Variants in RAB27A observed in about 807,000 individuals in gnomAD.
RAB27A encodes the protein ras-related protein Rab-27A.
A neutral mutation model predicts 20.8 loss-of-function variants in RAB27A; 17 were observed. That is an observed-to-expected ratio of 0.82 (90% CI 0.56 to 1.23). The LOEUF (loss-of-function observed/expected upper bound fraction) is 1.23, where lower values mean the gene tolerates loss of function less well. RAB27A is among the 50% of genes most tolerant of loss of function. RAB27A has a pLI of 0.00. For missense variants in RAB27A, 277 were observed against 266.7 expected, an observed-to-expected ratio of 1.04 and a Z score of -0.27; for synonymous variants, 85 against 92.8, an observed-to-expected ratio of 0.92 and a Z score of 0.48.
chr15:55,256,756 C>G (rs1032030775), intron 2 of RAB27A, among the ~76,000 whole-genome samples: 2 of 152,122 alleles, frequency 1.3e-5, no homozygotes, highest in African/African-American at 2.4e-5. Flanking sequence ...CTGTTTAGAC[C>G]CAGGATAGGT....
intron 2 of RAB27A, among the ~76,000 whole-genome samples, chr15:55,298,317 G>C (rs1238606154): frequency 6.6e-6 from 1 of 152,058 alleles, no homozygotes; most frequent in African/African-American, 2.4e-5. Context: ...GAAATAAAGG[G>C]ACAGAGTACA....
chr15:55,255,291 G>T (rs921329234), intron 2 of RAB27A, among the ~76,000 whole-genome samples: 1 of 152,066 alleles, frequency 6.6e-6, no homozygotes, highest in Non-Finnish European at 1.5e-5. Flanking sequence ...CATCCTCCTC[G>T]GGGTATTCCT....
At chr15:55,308,186 CCCTTT>C (rs1168580850) in intron 2 of RAB27A, among the ~76,000 whole-genome samples, 1 of 152,064 alleles carries the variant, frequency 6.6e-6, no homozygotes, top group Non-Finnish European at 1.5e-5. Context: ...CCTTCTATTT[CCCTTT>C]CCTTTCCTTT....
At chr15:55,241,623 T>C (rs1434299056) in intron 2 of RAB27A, among the ~76,000 whole-genome samples, 1 of 131,200 alleles carries the variant, frequency 7.6e-6, no homozygotes, top group African/African-American at 3.8e-5. Context: ...TATATATATA[T>C]ATGTGTGTAT....
chr15:55,209,858 A>G lies in RAB27A; in HGVS notation c.468-4153T>C, dbSNP rs972702938. Among the ~76,000 whole-genome samples the G allele has an allele frequency of 9.8e-3, 313 of 31,958 alleles. 75 individuals are homozygous for G. Among genetic ancestry groups the G allele is most frequent in the African/African-American group, 0.021 (270 of 12,612 alleles). The allele number at this position is 31,958 out of a possible 152,430, so 21.0% of individuals were successfully genotyped here. A position where few individuals can be genotyped will look rare whatever the true frequency, so the allele number is the denominator to read the frequency against. On this transcript the variant is annotated intron_variant, in intron 6 of 6. Coordinates refer to ENST00000336787, the MANE Select transcript of RAB27A (RefSeq NM_183235.3). ...TATGTGTGTACACATATATGTGTGT[A>G]TATACATATATACATATATGTGTGT...
chr15:55,318,926 G>A lies in RAB27A; in HGVS notation c.-234+5C>T, dbSNP rs529339844. On this transcript the variant is annotated splice_donor_5th_base_variant and intron_variant, in intron 1 of 5. Transcript: ENST00000563262. ...CGTTACCGTTTTTAATAACCACTCA[G>A]GTACCTCCGACTGTTCTGCGCCTGC... 9 of 278,178 alleles carry A rather than the reference G, an allele frequency of 3.2e-5. No individual in the cohort carries two copies. The South Asian group carries it at 5.5e-4, about 17-fold the overall frequency. The allele number at this position is 278,178 out of a possible 1,614,324, so 17.2% of individuals were successfully genotyped here. A position where few individuals can be genotyped will look rare whatever the true frequency, so the allele number is the denominator to read the frequency against.
intron 2 of RAB27A, among the ~76,000 whole-genome samples, chr15:55,264,702 G>T (rs1369441321): frequency 6.6e-6 from 1 of 152,126 alleles, no homozygotes; most frequent in Non-Finnish European, 1.5e-5. Flanking sequence ...AAGTAAATTG[G>T]CCTCCACCAA....
At chr15:55,302,391 G>T (rs1342783759) in intron 2 of RAB27A, among the ~76,000 whole-genome samples, 1 of 152,030 alleles carries the variant, frequency 6.6e-6, no homozygotes, top group East Asian at 1.9e-4. Flanking sequence ...TGGTGCCCAG[G>T]CTGGAGTGCA....
chr15:55,237,744 C>T (rs1056236535), intron 2 of RAB27A, among the ~76,000 whole-genome samples: 2 of 152,048 alleles, frequency 1.3e-5, no homozygotes, highest in African/African-American at 2.4e-5. Context: ...ATAACAATAC[C>T]GATCCTGCAG....
At chr15:55,223,590 T>C (rs1895676074) in intron 6 of RAB27A, among the ~76,000 whole-genome samples, 1 of 152,156 alleles carries the variant, frequency 6.6e-6, no homozygotes, top group Non-Finnish European at 1.5e-5. Context: ...GTCTCCTATT[T>C]GCATCTTGGA....
intron 2 of RAB27A, among the ~76,000 whole-genome samples, chr15:55,249,306 ACT>A (rs377739358): frequency 2.0e-5 from 3 of 152,234 alleles, no homozygotes; most frequent in Non-Finnish European, 4.4e-5. Context: ...GCAGGGTCTC[ACT>A]CTGTCACCCA....
At position 55,209,843 on chromosome 15, in the gene RAB27A, C is replaced by CACACATATAT. The variant is rs1220623765; in HGVS notation, c.468-4139_468-4138insATATATGTGT. ...GTGTATATATACATATATGTGTGTA[C>CACACATATAT]ACATATATGTGTGTATATACATATA... is the stretch of plus-strand genomic sequence containing the variant. On this transcript the variant is annotated intron_variant, in intron 6 of 6. Coordinates refer to ENST00000336787, the MANE Select transcript of RAB27A (RefSeq NM_183235.3). Among the ~76,000 whole-genome samples the CACACATATAT allele has an allele frequency of 2.7e-5, 3 of 109,552 alleles. No individual in the cohort carries two copies. The Admixed American group carries it at 2.8e-4, about 10-fold the overall frequency. 71.9% of individuals were successfully genotyped at this position (109,552 alleles called of 152,430 possible).
intron 2 of RAB27A, among the ~76,000 whole-genome samples, chr15:55,254,460 A>T (rs965145300): frequency 1.3e-5 from 2 of 152,018 alleles, no homozygotes; most frequent in African/African-American, 2.4e-5. Context: ...TCTACAGCAT[A>T]CAACATGATA....
At chr15:55,318,900 C>A (rs577799599) in intron 1 of RAB27A, 66 of 226,084 alleles carry the variant, frequency 2.9e-4, no homozygotes, top group Non-Finnish European at 5.3e-5. Context: ...TCTACAATTA[C>A]CGTTACCGTT....
intron 2 of RAB27A, among the ~76,000 whole-genome samples, chr15:55,251,971 T>C (rs907790085): frequency 1.3e-5 from 2 of 152,124 alleles, no homozygotes; most frequent in African/African-American, 4.8e-5. Context: ...CCTGGCTTCA[T>C]GTCAAGGCAG....
At chr15:55,316,585 TA>T (rs111709943) in intron 1 of RAB27A, among the ~76,000 whole-genome samples, 131 of 141,932 alleles carry the variant, frequency 9.2e-4, no homozygotes, top group Middle Eastern at 3.5e-3. Flanking sequence ...TCCCAGAACT[TA>T]AAAAAAAAAA....
At chr15:55,207,858 T>C (rs575889967) in intron 6 of RAB27A, among the ~76,000 whole-genome samples, 1 of 152,286 alleles carries the variant, frequency 6.6e-6, no homozygotes, top group African/African-American at 2.4e-5. Flanking sequence ...AATTTTATCA[T>C]GTTGGCCAGG....
chr15:55,221,540 A>G (rs1267769107), intron 6 of RAB27A, among the ~76,000 whole-genome samples: 1 of 152,148 alleles, frequency 6.6e-6, no homozygotes, highest in Non-Finnish European at 1.5e-5. Context: ...CACCTAAGTC[A>G]CTGGTTCTCA....
intron 2 of RAB27A, among the ~76,000 whole-genome samples, chr15:55,303,799 C>T (rs2054985776): frequency 7.8e-6 from 1 of 128,284 alleles, no homozygotes; most frequent in Admixed American, 7.3e-5. Flanking sequence ...GGGGGGTCAG[C>T]CCCCCGCCCG....
Sources: allele counts gnomAD v4.1 joint callset (sites outside exome capture counted in the v4.1 genomes callset), GRCh38; gene constraint gnomAD v4.1.1; transcripts MANE v1.5; gene names NCBI Gene and HGNC (gene_info 2026-07-23, HGNC 2026-07-21).